Variants in AQR observed in about 807,000 individuals in gnomAD.
AQR encodes RNA helicase aquarius.
A neutral mutation model predicts 180.5 loss-of-function variants in AQR; 61 were observed. The ratio of observed to expected loss-of-function variants is 0.34; its 90% confidence interval spans 0.28 to 0.42. AQR has a LOEUF of 0.42. Among genes scored for constraint, AQR ranks in the 10% least tolerant of loss-of-function variants. The probability of loss-of-function intolerance (pLI) is 1.00; values close to 1 mark genes in which losing one functional copy is unlikely to be tolerated. For missense variants in AQR, 1,281 were observed against 1,798.3 expected, an observed-to-expected ratio of 0.71 and a Z score of 5.20; for synonymous variants, 551 against 588.8, an observed-to-expected ratio of 0.94 and a Z score of 0.93.
intron 1 of AQR, among the ~76,000 whole-genome samples, chr15:34,965,342 A>G (rs992387179): frequency 6.6e-6 from 1 of 152,192 alleles, no homozygotes; most frequent in African/African-American, 2.4e-5. Context: ...CCTGAGGAAT[A>G]GCCTCTAAAA....
intron 32 of AQR, among the ~76,000 whole-genome samples, chr15:34,863,398 C>A (rs1278159806): frequency 6.6e-6 from 1 of 152,130 alleles, no homozygotes; most frequent in Non-Finnish European, 1.5e-5. Flanking sequence ...TCTTCCACTT[C>A]ACCTACCAAA....
At chr15:34,890,824 G>A (rs1893133484) in intron 23 of AQR, among the ~76,000 whole-genome samples, 1 of 152,138 alleles carries the variant, frequency 6.6e-6, no homozygotes, top group Non-Finnish European at 1.5e-5. Flanking sequence ...AAAGAGCAGA[G>A]CACTCATTTA....
intron 19 of AQR, among the ~76,000 whole-genome samples, chr15:34,902,620 T>C (rs559899715): frequency 2.6e-5 from 4 of 152,272 alleles, no homozygotes; most frequent in Admixed American, 2.6e-4. Flanking sequence ...TTCATCTTCA[T>C]AAGCTTCATC....
In AQR at chr15:34,852,447, A is replaced by C. The variant is rs1214944380; in HGVS notation, c.*4345T>G. 1.3e-5 allele frequency: 2 copies of C among 152,252 alleles called. No individual in the cohort carries two copies. Among genetic ancestry groups the C allele is most frequent in the Non-Finnish European group, 2.9e-5 (2 of 68,070 alleles). The allele number at this position is 152,252 out of a possible 1,614,324, so 9.4% of individuals were successfully genotyped here. ...GGGCCTCCCAAAGTGCTGGGATTACAGGCGTGAGCCACTGCACCCGGCTCG... is the reference window on the plus strand; with the variant it reads ...GGGCCTCCCAAAGTGCTGGGATTACCGGCGTGAGCCACTGCACCCGGCTCG... On this transcript the variant is annotated 3_prime_UTR_variant, in exon 35 of 35. Coordinates refer to ENST00000156471, the MANE Select transcript of AQR (RefSeq NM_014691.3).
chr15:34,862,153 A>C (rs944710359), intron 33 of AQR, among the ~76,000 whole-genome samples: 2 of 152,120 alleles, frequency 1.3e-5, no homozygotes, highest in African/African-American at 4.8e-5. Context: ...GTATTTCTCT[A>C]TCTTTTCTTT....
intron 20 of AQR, among the ~76,000 whole-genome samples, chr15:34,899,480 G>A (rs936360682): frequency 1.3e-5 from 2 of 151,590 alleles, no homozygotes; most frequent in South Asian, 2.1e-4. Context: ...CTGGGTTCAC[G>A]TGATCCTCCC....
chr15:34,965,345 C>A (rs1026504962), intron 1 of AQR, among the ~76,000 whole-genome samples: 2 of 152,128 alleles, frequency 1.3e-5, no homozygotes, highest in Admixed American at 1.3e-4. Flanking sequence ...GAGGAATAGC[C>A]TCTAAAAATA....
intron 19 of AQR, among the ~76,000 whole-genome samples, chr15:34,903,694 A>T (rs981869175): frequency 5.9e-5 from 9 of 152,172 alleles, no homozygotes; most frequent in African/African-American, 2.2e-4. Context: ...TGGGAGAAAG[A>T]GAAAAGAAAG....
intron 23 of AQR, among the ~76,000 whole-genome samples, chr15:34,890,933 G>C (rs1893136192): frequency 6.6e-6 from 1 of 152,046 alleles, no homozygotes; most frequent in Admixed American, 6.6e-5. Flanking sequence ...TTCATTATCT[G>C]AACTTCCGCA....
chr15:34,893,544 T>A, intron 23 of AQR, 119 bp downstream of exon 23: 1 of 752,586 alleles, frequency 1.3e-6, no homozygotes, highest in Middle Eastern at 3.5e-4. Context: ...AGGAACTTAT[T>A]GTGTCCCACA....
chr15:34,858,218 A>C (rs1233255845), intron 34 of AQR, among the ~76,000 whole-genome samples: 1 of 151,220 alleles, frequency 6.6e-6, no homozygotes, highest in East Asian at 2.0e-4. Flanking sequence ...TCCTGACCGC[A>C]GGTGATCCAC....
At chr15:34,881,281 G>C (rs371114883) in intron 27 of AQR, among the ~76,000 whole-genome samples, 1 of 152,018 alleles carries the variant, frequency 6.6e-6, no homozygotes, top group Non-Finnish European at 1.5e-5. Flanking sequence ...ATAAATTGTC[G>C]TATTTGTCCT....
chr15:34,900,372 A>G (rs1360044690), intron 20 of AQR, among the ~76,000 whole-genome samples: 1 of 152,250 alleles, frequency 6.6e-6, no homozygotes. Context: ...AGTTCTCTTC[A>G]GACAATAAGT....
intron 22 of AQR, among the ~76,000 whole-genome samples, chr15:34,896,528 A>C (rs1893246502): frequency 6.8e-6 from 1 of 148,004 alleles, no homozygotes; most frequent in Non-Finnish European, 1.5e-5. Flanking sequence ...ACTTACTTCT[A>C]GTCTTAATCT....
intron 27 of AQR, among the ~76,000 whole-genome samples, chr15:34,879,146 A>G (rs1333300628): frequency 6.6e-6 from 1 of 152,218 alleles, no homozygotes; most frequent in East Asian, 1.9e-4. Flanking sequence ...CCCCTAAAAT[A>G]ACACTTGACA....
At chr15:34,883,586 T>G (rs1893008009) in intron 26 of AQR, among the ~76,000 whole-genome samples, 1 of 152,176 alleles carries the variant, frequency 6.6e-6, no homozygotes, top group Non-Finnish European at 1.5e-5. Context: ...ACTACATATC[T>G]GATACTGTTC....
At chr15:34,926,507 C>T (rs768810527) in intron 13 of AQR, among the ~76,000 whole-genome samples, 83 of 152,252 alleles carry the variant, frequency 5.5e-4, no homozygotes, top group Middle Eastern at 6.8e-3. Flanking sequence ...ATACCTTATA[C>T]GTAAAATGGT....
rs1893267828 is a variant in AQR, at chr15:34,897,626, T to C, written c.2323A>G (p.Lys775Glu). ...DVEDEDTEEA[K>E]TLIVEPHVIP... ...ACATGGGGCTCAACAATTAAGGTTT[T>C]TGCTTCCTCGGTGTCTTCATCTTCC... is the stretch of plus-strand genomic sequence containing the variant. Residue 775 changes from lysine (K) to glutamate (E), a missense_variant, in exon 21 of 35, where the codon AAA becomes GAA. Around this residue, in one of 9 missense-constraint regions of AQR, gnomAD observed 112 missense variants for 128.6 expected, o/e 0.87. Transcript: ENST00000156471. 2 of 1,614,008 alleles carry C rather than the reference T, an allele frequency of 1.2e-6. No homozygotes were observed. Among genetic ancestry groups the C allele is most frequent in the South Asian group, 1.1e-5 (1 of 91,082 alleles).
chr15:34,866,370 T>C (rs140422391), intron 32 of AQR, among the ~76,000 whole-genome samples: 1,805 of 152,216 alleles, frequency 0.012, 37 homozygotes, highest in African/African-American at 0.041. Context: ...TTTAAGTTAT[T>C]GGGATAAAGG....
Sources: allele counts gnomAD v4.1 joint callset (sites outside exome capture counted in the v4.1 genomes callset), GRCh38; gene constraint gnomAD v4.1.1; regional missense constraint gnomAD v4.1.1; transcripts MANE v1.5; gene names NCBI Gene and HGNC (gene_info 2026-07-23, HGNC 2026-07-21).